Variants in SPTLC3 observed in about 807,000 individuals in gnomAD.
SPTLC3 encodes serine palmitoyltransferase long chain base subunit 3.
In SPTLC3, 36 loss-of-function variants were observed where a neutral mutation model predicts 59.3. That is an observed-to-expected ratio of 0.61 (90% confidence interval 0.47 to 0.80). The LOEUF is 0.80. Ranked by LOEUF, SPTLC3 falls within the 30% of genes least tolerant of loss-of-function variation. SPTLC3 has a pLI of 0.00. For missense variants in SPTLC3, 625 were observed against 685.1 expected (o/e 0.91, Z 0.98); for synonymous variants, 257 against 240.8 (o/e 1.07, Z -0.62).
chr20:13,033,489 G>A (rs975425558), intron 1 of SPTLC3, among the ~76,000 whole-genome samples: 5 of 152,106 alleles, frequency 3.3e-5, no homozygotes, highest in African/African-American at 9.7e-5. Context: ...GCTTTTATGA[G>A]CTAGTCATAG....
At chr20:13,013,228 C>T (rs972636731) in intron 1 of SPTLC3, among the ~76,000 whole-genome samples, 2 of 152,194 alleles carry the variant, frequency 1.3e-5, no homozygotes, top group African/African-American at 4.8e-5. Context: ...TTCTCCCCAC[C>T]TTTCTATATC....
chr20:13,125,767 A>T (rs923103563), intron 8 of SPTLC3, among the ~76,000 whole-genome samples: 3 of 152,216 alleles, frequency 2.0e-5, no homozygotes, highest in Non-Finnish European at 4.4e-5. Context: ...AAAGCACTCA[A>T]GGCATTTTGA....
chr20:13,086,778 C>A (rs1989019141), intron 4 of SPTLC3, among the ~76,000 whole-genome samples: 1 of 151,838 alleles, frequency 6.6e-6, no homozygotes, highest in Non-Finnish European at 1.5e-5. Flanking sequence ...TTTTCTTTTT[C>A]CTTTTCCTTC....
chr20:13,041,456 G>C (rs1462776381), intron 1 of SPTLC3, among the ~76,000 whole-genome samples: 2 of 151,790 alleles, frequency 1.3e-5, no homozygotes, highest in Non-Finnish European at 2.9e-5. Context: ...TCTTTTTATT[G>C]TAATTTCTAT....
chr20:13,123,192 G>A (rs996762095), intron 8 of SPTLC3, among the ~76,000 whole-genome samples: 3 of 152,108 alleles, frequency 2.0e-5, no homozygotes, highest in Admixed American at 6.5e-5. Flanking sequence ...TTAGCCAGGA[G>A]TGGTGGCACA....
intron 4 of SPTLC3, among the ~76,000 whole-genome samples, chr20:13,084,974 T>C (rs1988958685): frequency 6.6e-6 from 1 of 152,236 alleles, no homozygotes; most frequent in Admixed American, 6.5e-5. Flanking sequence ...CATAATTATA[T>C]ATCTGTGCCC....
chr20:13,164,829 G>GT lies in SPTLC3; in HGVS notation c.1621_1622insT (p.Glu541ValfsTer4), dbSNP rs1270799333. On this transcript the variant is annotated frameshift_variant, in exon 12 of 12. Transcript: ENST00000399002. LOFTEE classifies it high-confidence loss of function. ...CCGGCACAAGAAGTCAGCACGTCCT[G>GT]AGCTCTATGATGAGACGAGCTTTGA... The GT allele has an allele frequency of 1.3e-5, 21 of 1,613,638 alleles. No homozygotes were observed. The highest frequency in any genetic ancestry group is 1.7e-5 in the Non-Finnish European group (20 of 1,179,856).
rs1320358559 is a variant in SPTLC3, at chr20:13,167,777, C to A, written c.*2910C>A. Reference sequence around the variant, plus strand: ...AAAATCCATACCCCTAGGCCCTACACCAGACCTTTACTGAAACATAATAGT... The same window carrying A: ...AAAATCCATACCCCTAGGCCCTACAACAGACCTTTACTGAAACATAATAGT... On this transcript the variant is annotated 3_prime_UTR_variant, in exon 12 of 12. Coordinates refer to ENST00000399002, the MANE Select transcript of SPTLC3 (RefSeq NM_018327.4). 6.6e-6 allele frequency: 1 copy of A among 152,174 alleles called. No homozygotes were observed. The highest frequency in any genetic ancestry group is 6.5e-5 in the Admixed American group (1 of 15,286). 9.4% of individuals were successfully genotyped at this position (152,174 alleles called of 1,614,324 possible).
At chr20:13,052,554 C>A (rs1987541028) in intron 2 of SPTLC3, among the ~76,000 whole-genome samples, 1 of 152,100 alleles carries the variant, frequency 6.6e-6, no homozygotes, top group South Asian at 2.1e-4. Context: ...CATTCACTCC[C>A]CTGGAAAGGG....
chr20:13,032,727 CT>C (rs1023090158), intron 1 of SPTLC3, among the ~76,000 whole-genome samples: 1 of 152,160 alleles, frequency 6.6e-6, no homozygotes, highest in African/African-American at 2.4e-5. Context: ...GCAATCCTGC[CT>C]TTTGTGGGAA....
At chr20:13,089,268 C>G (rs543132783) in intron 4 of SPTLC3, among the ~76,000 whole-genome samples, 5 of 152,296 alleles carry the variant, frequency 3.3e-5, no homozygotes, top group Admixed American at 6.5e-5. Context: ...CTCCTACGTT[C>G]TGTGTGTGCA....
At chr20:13,141,410 TA>T (rs112008708) in intron 9 of SPTLC3, among the ~76,000 whole-genome samples, 1 of 152,202 alleles carries the variant, frequency 6.6e-6, no homozygotes, top group Non-Finnish European at 1.5e-5. Flanking sequence ...ACACTTGGTT[TA>T]AAAAAAATCT....
chr20:13,017,609 A>G (rs147189640), intron 1 of SPTLC3, among the ~76,000 whole-genome samples: 2 of 152,288 alleles, frequency 1.3e-5, no homozygotes, highest in African/African-American at 2.4e-5. Context: ...TTAAAACATT[A>G]TGAGATCTTT....
intron 2 of SPTLC3, among the ~76,000 whole-genome samples, chr20:13,053,141 G>C (rs1987567337): frequency 6.6e-6 from 1 of 152,180 alleles, no homozygotes; most frequent in Admixed American, 6.5e-5. Flanking sequence ...TCATACAGGA[G>C]AGCTCCGGCT....
intron 2 of SPTLC3, among the ~76,000 whole-genome samples, chr20:13,064,965 T>G (rs181093110): frequency 6.6e-6 from 1 of 152,286 alleles, no homozygotes; most frequent in Admixed American, 6.5e-5. Flanking sequence ...TCCCATACCA[T>G]TTTCTAGTTA....
chr20:13,123,051 C>T (rs1409574310), intron 8 of SPTLC3, among the ~76,000 whole-genome samples: 5 of 152,182 alleles, frequency 3.3e-5, no homozygotes, highest in Non-Finnish European at 5.9e-5. Context: ...CAATACTCGG[C>T]CAGGCGTGGT....
At chr20:13,055,897 T>C (rs189310062) in intron 2 of SPTLC3, among the ~76,000 whole-genome samples, 1 of 151,570 alleles carries the variant, frequency 6.6e-6, no homozygotes, top group East Asian at 1.9e-4. Flanking sequence ...CCACAAGGAG[T>C]TCCGGAGATG....
At chr20:13,071,585 C>T (rs1051934956) in intron 2 of SPTLC3, among the ~76,000 whole-genome samples, 7 of 152,084 alleles carry the variant, frequency 4.6e-5, no homozygotes, top group South Asian at 2.1e-4. Context: ...AAATGAGCGC[C>T]GGCAATGAGC....
At chr20:13,074,123 C>T (rs533948721) in intron 3 of SPTLC3, 33 of 702,628 alleles carry the variant, frequency 4.7e-5, no homozygotes, top group South Asian at 2.2e-4. Context: ...CTAAAGTGCC[C>T]GGCACTGGCT....
Sources: gnomAD v4.1 joint callset for allele counts (sites outside exome capture counted in the v4.1 genomes callset) on GRCh38, gnomAD v4.1.1 for gene constraint, MANE v1.5 for transcripts, NCBI Gene and HGNC (gene_info 2026-07-23, HGNC 2026-07-21) for gene names.